IL17RA: variants seen among roughly 807,000 people sequenced by gnomAD.
IL17RA encodes the protein interleukin 17 receptor A.
In IL17RA, 34 loss-of-function variants were observed where a neutral mutation model predicts 50.4. The ratio of observed to expected loss-of-function variants is 0.67; its 90% CI spans 0.51 to 0.90. The LOEUF is 0.90. Among genes scored for constraint, IL17RA ranks in the 40% least tolerant of loss-of-function variants. The pLI is 0.00. For synonymous variants in IL17RA, 585 were observed against 510.4 expected, an observed-to-expected ratio of 1.15 and a Z score of -1.97; for missense variants, 1,276 against 1,169.8, an observed-to-expected ratio of 1.09 and a Z score of -1.32.
rs1568917416 is a variant in IL17RA, at chr22:17,094,673, C to CTATATATATA, written c.139-2388_139-2387insATATATATAT. On this transcript the variant is annotated intron_variant, in intron 1 of 12. Transcript: ENST00000319363. ...ATACACACACTCTCTCTCTCTCTCT[C>CTATATATATA]TCTCTCTCTCTCTCTCTCTATATAT... 2.8e-3 allele frequency among the ~76,000 whole-genome samples: 132 copies of CTATATATATA among 47,846 alleles called. 4 individuals carry two copies. Among genetic ancestry groups the CTATATATATA allele is most frequent in the Non-Finnish European group, 4.2e-3 (105 of 24,714 alleles). The allele number at this position is 47,846 out of a possible 152,430, so 31.4% of individuals were successfully genotyped here. A position where few individuals can be genotyped will look rare whatever the true frequency, so the allele number is the denominator to read the frequency against.
intron 1 of IL17RA, among the ~76,000 whole-genome samples, chr22:17,089,917 A>C (rs867485611): frequency 6.6e-6 from 1 of 151,916 alleles, no homozygotes; most frequent in Non-Finnish European, 1.5e-5. Flanking sequence ...AGGGATGACT[A>C]TTGGAGAGGA....
At chr22:17,087,771 C>T (rs41405145) in intron 1 of IL17RA, among the ~76,000 whole-genome samples, 3 of 152,158 alleles carry the variant, frequency 2.0e-5, no homozygotes, top group African/African-American at 7.2e-5. Flanking sequence ...TTCCCATGAC[C>T]GCCAGCCTGG....
chr22:17,090,619 A>C (rs2123791303), intron 1 of IL17RA, among the ~76,000 whole-genome samples: 1 of 152,314 alleles, frequency 6.6e-6, no homozygotes, highest in Non-Finnish European at 1.5e-5. Context: ...TATAGTGTTA[A>C]TTCATGATTT....
intron 1 of IL17RA, 176 bp downstream of exon 1, chr22:17,085,405 C>T: frequency 1.2e-6 from 1 of 851,594 alleles, no homozygotes; most frequent in Non-Finnish European, 1.4e-6. Context: ...GGGGAGGACC[C>T]TCGGAGCGGT....
chr22:17,098,753 T>C (rs1195303749), intron 3 of IL17RA, 22 bp from the exon 4 acceptor site: 1 of 1,599,816 alleles, frequency 6.3e-7, no homozygotes, highest in Non-Finnish European at 8.6e-7. Flanking sequence ...TCTGTTTGTC[T>C]TCTCTTCTCC....
Position 17,108,708 on chromosome 22 carries a change from G to A in IL17RA, c.1489G>A (p.Gly497Ser), listed in dbSNP as rs745681628. 26 of 1,610,318 alleles carry A rather than the reference G, an allele frequency of 1.6e-5. No homozygotes were observed. Among genetic ancestry groups the A allele is most frequent in the Non-Finnish European group, 2.1e-5 (25 of 1,179,854 alleles). Residue 497 changes from glycine to serine, a missense_variant, in exon 13 of 13, where the codon GGC becomes AGC. Transcript: ENST00000319363. ...GGACTTCAAGAGGCCAGCCTGCTTCGGCACCTACGTAGTCTGCTACTTCAG... is the reference window on the plus strand; with the variant it reads ...GGACTTCAAGAGGCCAGCCTGCTTCAGCACCTACGTAGTCTGCTACTTCAG... ...LPDFKRPACFGTYVVCYFSEV... is the reference protein window; with the variant it reads ...LPDFKRPACFSTYVVCYFSEV...
rs376923038 is a variant in IL17RA, at chr22:17,100,413, T to G, written c.482T>G (p.Val161Gly). 1.2e-6 allele frequency: 2 copies of G among 1,613,964 alleles called. No homozygotes were observed. The highest frequency in any genetic ancestry group is 2.7e-5 in the African/African-American group (2 of 74,892). ...CCTGACCAGGAATATGAGGTGACCG[T>G]TCACCACCTGCCCAAGCCCATCCCT... is the stretch of plus-strand genomic sequence containing the variant. ...VDPDQEYEVTVHHLPKPIPDG... is the reference protein window; with the variant it reads ...VDPDQEYEVTGHHLPKPIPDG... The change falls in exon 5 of 13, where the codon GTT becomes GGT. Residue 161 changes from valine to glycine, a missense_variant. By Grantham distance (109) the Val-to-Gly change is moderately radical (BLOSUM62 -3). Transcript: ENST00000319363.
At chr22:17,086,682 A>G (rs1046974242) in intron 1 of IL17RA, among the ~76,000 whole-genome samples, 1 of 152,220 alleles carries the variant, frequency 6.6e-6, no homozygotes, top group African/African-American at 2.4e-5. Flanking sequence ...CTGCTTGCAC[A>G]ACTGCTAAGT....
At position 17,112,269 on chromosome 22, in the gene IL17RA, T is replaced by G. The variant is rs1157139543; in HGVS notation, c.*2449T>G. 1 of 152,256 alleles carries G rather than the reference T, an allele frequency of 6.6e-6. No homozygotes were observed. Among genetic ancestry groups the G allele is most frequent in the African/African-American group, 2.4e-5 (1 of 41,454 alleles). 9.4% of individuals were successfully genotyped at this position (152,256 alleles called of 1,614,324 possible). ...CATTGCCTACTATCTCCAGGGCAGC[T>G]GCCTTTGTCCTCCTAACAGCTTTAT... On this transcript the variant is annotated 3_prime_UTR_variant, in exon 13 of 13. Coordinates refer to ENST00000319363, the MANE Select transcript of IL17RA (RefSeq NM_014339.7).
At chr22:17,105,982 G>T in intron 11 of IL17RA, 28 bp downstream of exon 11, 1 of 1,573,622 alleles carries the variant, frequency 6.4e-7, no homozygotes. Context: ...GGCTGTCCTG[G>T]AGTCAGGCTC....
At chr22:17,088,485 ATTTTTGT>A (rs919777854) in intron 1 of IL17RA, among the ~76,000 whole-genome samples, 4 of 150,912 alleles carry the variant, frequency 2.7e-5, no homozygotes, top group Admixed American at 1.3e-4. Flanking sequence ...CACCCAGCCG[ATTTTTGT>A]TTTTTGTTTT....
Position 17,102,132 on chromosome 22 carries a change from T to G in IL17RA, c.599-7T>G. On this transcript the variant is annotated splice_region_variant and splice_polypyrimidine_tract_variant and intron_variant, in intron 6 of 12. Transcript: ENST00000319363. ...TCACTCCCAGCCTGCGTGTGTGACC[T>G]TGGCAGGCAGCCTGTGGGACCCCAA... The G allele has an allele frequency of 6.2e-7, 1 of 1,614,120 alleles. No homozygotes were observed. The highest frequency in any genetic ancestry group is 2.2e-5 in the East Asian group (1 of 44,878).
chr22:17,110,240 G>A lies in IL17RA; in HGVS notation c.*420G>A, dbSNP rs1240951311. On this transcript the variant is annotated 3_prime_UTR_variant, in exon 13 of 13. Coordinates refer to ENST00000319363, the MANE Select transcript of IL17RA (RefSeq NM_014339.7). Reference sequence around the variant, plus strand: ...GGGCCGGGCACGGTGGCTCACGCCTGTAATCCCAGCACACTGGGAGGCCGA... The same window carrying A: ...GGGCCGGGCACGGTGGCTCACGCCTATAATCCCAGCACACTGGGAGGCCGA... The A allele has an allele frequency of 3.5e-6, 1 of 282,334 alleles. No homozygotes were observed. The highest frequency in any genetic ancestry group is 6.9e-6 in the Non-Finnish European group (1 of 145,468). 17.5% of individuals were successfully genotyped at this position (282,334 alleles called of 1,614,324 possible).
At chr22:17,089,958 T>C (rs1455680555) in intron 1 of IL17RA, among the ~76,000 whole-genome samples, 2 of 150,504 alleles carry the variant, frequency 1.3e-5, no homozygotes, top group Admixed American at 6.7e-5. Context: ...TATGTCTTAG[T>C]AATATCCTAA....
chr22:17,105,977 T>C, intron 11 of IL17RA, 23 bp downstream of exon 11: 1 of 1,592,754 alleles, frequency 6.3e-7, no homozygotes, highest in Non-Finnish European at 8.6e-7. Context: ...GCTCTGGCTG[T>C]CCTGGAGTCA....
intron 4 of IL17RA, among the ~76,000 whole-genome samples, chr22:17,100,141 T>A (rs9618982): frequency 0.014 from 1,688 of 121,848 alleles, 218 homozygotes; most frequent in African/African-American, 0.044. Flanking sequence ...GATCCAGGTT[T>A]AAAAAAAAAA....
intron 1 of IL17RA, among the ~76,000 whole-genome samples, chr22:17,085,885 T>C (rs2061325803): frequency 6.6e-6 from 1 of 151,910 alleles, no homozygotes; most frequent in Non-Finnish European, 1.5e-5. Context: ...CGGGGAGAGC[T>C]CTGCCGAGGG....
chr22:17,102,402 G>C, intron 7 of IL17RA, 100 bp downstream of exon 7: 1 of 1,306,172 alleles, frequency 7.7e-7, no homozygotes, highest in Non-Finnish European at 1.1e-6. Context: ...GTTGCTAGAA[G>C]CTCGCGACTC....
rs150581652 is a variant in IL17RA at position 17,092,325 on chromosome 22, T to C, written c.139-4737T>C. The stretch of plus-strand genomic sequence containing the variant: ...CTTAAAATAAACTGGGAAATGTGTT[T>C]CCCTGAGTTCTCTGAGCAGCTTTAG... On this transcript the variant is annotated intron_variant, in intron 1 of 12. Transcript: ENST00000319363. 8.5e-5 allele frequency among the ~76,000 whole-genome samples: 13 copies of C among 152,336 alleles called. No individual in the cohort carries two copies. The South Asian group carries it at 1.0e-3, about 12-fold the overall frequency.
Sources: gnomAD v4.1 joint callset for allele counts (sites outside exome capture counted in the v4.1 genomes callset) on GRCh38, gnomAD v4.1.1 for gene constraint, MANE v1.5 for transcripts, NCBI Gene and HGNC (gene_info 2026-07-23, HGNC 2026-07-21) for gene names.